Variants in SUN3 observed in about 807,000 individuals in gnomAD.
The protein encoded by SUN3 is Sad1 and UNC84 domain containing 3, also known as SUN domain-containing protein 3.
SUN3 carries 36 observed loss-of-function variants against 48.2 expected under a neutral mutation model. The observed-to-expected ratio is 0.75, with a 90% CI of 0.57 to 0.99. The LOEUF (loss-of-function observed/expected upper bound fraction) is 0.99. SUN3 is among the 50% of genes least tolerant of loss of function. The pLI, the probability that SUN3 is intolerant of heterozygous loss-of-function variation, is 0.00. For missense variants in SUN3, 419 were observed against 433.1 expected, an observed-to-expected ratio of 0.97 and a Z score of 0.29; for synonymous variants, 148 against 147.9, an observed-to-expected ratio of 1.00 and a Z score of 0.00.
intron 4 of SUN3, among the ~76,000 whole-genome samples, chr7:48,008,425 A>G: frequency 6.6e-6 from 1 of 152,256 alleles, no homozygotes; most frequent in East Asian, 1.9e-4. Flanking sequence ...ATTAAAAACT[A>G]TTTTAAAATT....
At chr7:48,019,449 A>G (rs1299305489) in intron 2 of SUN3, among the ~76,000 whole-genome samples, 4 of 152,188 alleles carry the variant, frequency 2.6e-5, no homozygotes, top group African/African-American at 4.8e-5. Flanking sequence ...AATAAAGATC[A>G]GAGAAGAAAT....
chr7:48,007,131 C>A (rs1264401588), intron 5 of SUN3, 34 bp downstream of exon 5: 5 of 1,585,768 alleles, frequency 3.2e-6, no homozygotes, highest in Non-Finnish European at 4.3e-6. Flanking sequence ...ACCACCACCC[C>A]ACCCTGCCCA....
At chr7:47,989,084 T>C (rs1788979020) in intron 8 of SUN3, 7 of 393,372 alleles carry the variant, frequency 1.8e-5, no homozygotes, top group Admixed American at 8.4e-5. Context: ...ACTAAAAGGA[T>C]AGAAGATGGA....
chr7:48,015,200 C>G (rs1401028456), intron 3 of SUN3, among the ~76,000 whole-genome samples: 1 of 152,148 alleles, frequency 6.6e-6, no homozygotes, highest in East Asian at 1.9e-4. Context: ...TGGTTATGAC[C>G]TAACTATCCA....
intron 4 of SUN3, 53 bp from the exon 5 acceptor site, chr7:48,007,380 T>C (rs1385441649): frequency 1.9e-6 from 3 of 1,566,152 alleles, no homozygotes; most frequent in African/African-American, 2.7e-5. Flanking sequence ...GCTCCTGTTA[T>C]CAGCTGTTGC....
At chr7:48,035,579 A>C in the SUN3 span, 1 of 694,336 alleles carries the variant, frequency 1.4e-6, no homozygotes, top group Admixed American at 2.0e-5. The surrounding 1 kb of genome is among the most constrained non-coding windows in gnomAD (Gnocchi z 4.0). Flanking sequence ...CCGTGTAAAA[A>C]CTCCAACGCC....
At chr7:48,020,603 T>C (rs1451981207) in intron 2 of SUN3, among the ~76,000 whole-genome samples, 2 of 152,198 alleles carry the variant, frequency 1.3e-5, no homozygotes, top group African/African-American at 4.8e-5. Context: ...TGTTGCAGGA[T>C]ACAAAGTCAA....
At chr7:47,991,596 AAAAACAAAACAAAAC>A in intron 8 of SUN3, among the ~76,000 whole-genome samples, 1 of 151,158 alleles carries the variant, frequency 6.6e-6, no homozygotes, top group East Asian at 2.0e-4. Flanking sequence ...AGTAAAACCA[AAAAACAAAACAAAAC>A]AAAACAAAAC....
At chr7:48,005,851 C>CA in intron 6 of SUN3, 118 bp downstream of exon 6, 1 of 322,492 alleles carries the variant, frequency 3.1e-6, no homozygotes, top group Non-Finnish European at 5.4e-6. Flanking sequence ...TGATTAATTT[C>CA]CCCCCCCCAA....
intron 6 of SUN3, among the ~76,000 whole-genome samples, chr7:48,001,529 T>TG (rs1789370067): frequency 2.5e-5 from 3 of 119,632 alleles, no homozygotes; most frequent in African/African-American, 9.4e-5. Context: ...TCTGTTTTTT[T>TG]TGTTTTTTTT....
At chr7:48,021,297 T>C (rs752257863) in intron 2 of SUN3, among the ~76,000 whole-genome samples, 6 of 152,100 alleles carry the variant, frequency 3.9e-5, no homozygotes, top group Non-Finnish European at 7.4e-5. Context: ...GACTTTAGAC[T>C]ATGAAACAAC....
At chr7:47,989,830 T>C (rs543526357) in intron 8 of SUN3, among the ~76,000 whole-genome samples, 162 of 152,316 alleles carry the variant, frequency 1.1e-3, no homozygotes, top group African/African-American at 3.8e-3. Context: ...GGCTGAAACA[T>C]GTGCTGTGTC....
At chr7:48,001,422 C>CT (rs1291218732) in intron 6 of SUN3, among the ~76,000 whole-genome samples, 1 of 150,948 alleles carries the variant, frequency 6.6e-6, no homozygotes, top group Non-Finnish European at 1.5e-5. Context: ...TGATCTTGTT[C>CT]TTTTTTGTGG....
In SUN3 at chr7:47,987,261, G is replaced by A; in HGVS notation, c.*69C>T. ...CCAATTCTCAATTCCTATGGGTGCGGTATCATCTAAGAGAATAAGCATTCT... is the reference window on the plus strand; with the variant it reads ...CCAATTCTCAATTCCTATGGGTGCGATATCATCTAAGAGAATAAGCATTCT... On this transcript the variant is annotated 3_prime_UTR_variant, in exon 10 of 10. Transcript: ENST00000297325. 1 of 1,527,588 alleles carries A rather than the reference G, an allele frequency of 6.5e-7. No individual in the cohort carries two copies. The highest frequency in any genetic ancestry group is 1.9e-5 in the Admixed American group (1 of 51,386). 94.6% of individuals were successfully genotyped at this position (1,527,588 alleles called of 1,614,324 possible).
intron 3 of SUN3, among the ~76,000 whole-genome samples, chr7:48,013,586 A>T (rs984756082): frequency 3.3e-5 from 5 of 152,244 alleles, no homozygotes; most frequent in African/African-American, 9.6e-5. Flanking sequence ...TATAATATTT[A>T]AAAAATTAGA....
At chr7:48,001,260 C>T (rs1030299120) in intron 6 of SUN3, among the ~76,000 whole-genome samples, 4 of 152,060 alleles carry the variant, frequency 2.6e-5, no homozygotes, top group Non-Finnish European at 4.4e-5. Flanking sequence ...TCCAATAGGC[C>T]CCAGTGTGTG....
In SUN3 at chr7:48,010,560, G is replaced by A. The variant is rs553962717; in HGVS notation, c.289-1485C>T. On this transcript the variant is annotated intron_variant, in intron 3 of 9. Transcript: ENST00000297325. ...ATGATCAAGTGTGAAAACGAAGGCC[G>A]ACCCAAGCAATCAATTCCCTTGGGT... 1.3e-3 allele frequency among the ~76,000 whole-genome samples: 204 copies of A among 152,280 alleles called. 1 individual carries two copies. The highest frequency in any genetic ancestry group is 4.7e-3 in the African/African-American group (197 of 41,562).
chr7:47,987,501 G>A, intron 9 of SUN3, 52 bp from the exon 10 acceptor site: 2 of 1,425,708 alleles, frequency 1.4e-6, no homozygotes, highest in Non-Finnish European at 1.9e-6. Flanking sequence ...TCATCTCAAA[G>A]AATCCCAATG....
In SUN3 at chr7:48,009,019, A is replaced by G; in HGVS notation, c.329+16T>C. 4 of 1,608,548 alleles carry G rather than the reference A, an allele frequency of 2.5e-6. No individual in the cohort carries two copies. Among genetic ancestry groups the G allele is most frequent in the Non-Finnish European group, 3.4e-6 (4 of 1,178,124 alleles). Reference sequence around the variant, plus strand: ...ACCACACCAAAAAGAGGCATATAGCAAAAGATCGCACTCACTTTAAAAGTT... The same window carrying G: ...ACCACACCAAAAAGAGGCATATAGCGAAAGATCGCACTCACTTTAAAAGTT... On this transcript the variant is annotated intron_variant, in intron 4 of 9. Transcript: ENST00000297325.
Sources: allele counts gnomAD v4.1 joint callset (sites outside exome capture counted in the v4.1 genomes callset), GRCh38; gene constraint gnomAD v4.1.1; non-coding constraint Gnocchi (gnomAD v3.1); transcripts MANE v1.5; gene names NCBI Gene and HGNC (gene_info 2026-07-23, HGNC 2026-07-21).